The following CNIH1 variants were observed in gnomAD, a reference collection of about 807,000 sequenced individuals.
The protein encoded by CNIH1 is protein cornichon homolog 1.
CNIH1 carries 12 observed loss-of-function variants against 20.2 expected under a neutral mutation model. The observed-to-expected ratio is 0.59, with a 90% CI of 0.38 to 0.96. The LOEUF is 0.96. Ranked by LOEUF, CNIH1 falls within the 40% of genes least tolerant of loss-of-function variation. The pLI is 0.00. For synonymous variants in CNIH1, 69 were observed against 63.3 expected, an observed-to-expected ratio of 1.09 and a Z score of -0.43; for missense variants, 152 against 178.8, an observed-to-expected ratio of 0.85 and a Z score of 0.85.
At chr14:54,437,815 A>AC (rs1418711435) in intron 1 of CNIH1, among the ~76,000 whole-genome samples, 8 of 152,174 alleles carry the variant, frequency 5.3e-5, no homozygotes, top group Non-Finnish European at 1.2e-4. Context: ...CTGCTACTTG[A>AC]CGTCAGCCGT....
In CNIH1 at chr14:54,423,564, A is replaced by G. The variant is rs2030770455; in HGVS notation, c.*4250T>C. The G allele has an allele frequency of 6.6e-6, 1 of 152,242 alleles. No individual in the cohort carries two copies. The highest frequency in any genetic ancestry group is 1.5e-5 in the Non-Finnish European group (1 of 68,038). The allele number at this position is 152,242 out of a possible 1,614,324, so 9.4% of individuals were successfully genotyped here. On this transcript the variant is annotated 3_prime_UTR_variant, in exon 5 of 5. Coordinates refer to ENST00000216416, the MANE Select transcript of CNIH1 (RefSeq NM_005776.3). ...TTATGCATAAACTACACAAGGAAACATTTAAGACAGCTTTTATTAAATACA... is the reference window on the plus strand; with the variant it reads ...TTATGCATAAACTACACAAGGAAACGTTTAAGACAGCTTTTATTAAATACA...
chr14:54,427,552 T>C lies in CNIH1; in HGVS notation c.*262A>G, dbSNP rs560451364. ...ATGGCTGTTCCTTAAGAAGTGCAAG[T>C]TCAAACCTGTCAACACCAGAGGTAA... On this transcript the variant is annotated 3_prime_UTR_variant, in exon 5 of 5. Transcript: ENST00000216416. The C allele has an allele frequency of 3.4e-4, 157 of 467,752 alleles. No individual in the cohort carries two copies. The highest frequency in any genetic ancestry group is 2.9e-3 in the African/African-American group (145 of 50,696). The allele number at this position is 467,752 out of a possible 1,614,324, so 29.0% of individuals were successfully genotyped here.
At chr14:54,433,998 C>T (rs1012865962) in intron 2 of CNIH1, among the ~76,000 whole-genome samples, 1 of 151,906 alleles carries the variant, frequency 6.6e-6, no homozygotes, top group African/African-American at 2.4e-5. Flanking sequence ...ATAAGAGACA[C>T]AAAAATTATT....
chr14:54,441,275 G>A lies in CNIH1; in HGVS notation c.53C>T (p.Ala18Val). 6 of 1,521,476 alleles carry A rather than the reference G, an allele frequency of 3.9e-6. No homozygotes were observed. Among genetic ancestry groups the A allele is most frequent in the Non-Finnish European group, 5.3e-6 (6 of 1,131,984 alleles). The allele number at this position is 1,521,476 out of a possible 1,614,324, so 94.2% of individuals were successfully genotyped here. Residue 18 changes from alanine to valine, a missense_variant, in exon 1 of 5, where the codon GCC (alanine) becomes GTC (valine). By Grantham distance (64) the Ala-to-Val change is moderately conservative (BLOSUM62 0). Transcript: ENST00000216416. ...FCYMLALLLTAALIFFAIWHI... is the reference protein window; with the variant it reads ...FCYMLALLLTVALIFFAIWHI... Reference sequence around the variant, plus strand: ...CCAAATGGCGAAGAAGATGAGCGCGGCAGTGAGCAGCAGCGCCAGCATGTA... The same window carrying A: ...CCAAATGGCGAAGAAGATGAGCGCGACAGTGAGCAGCAGCGCCAGCATGTA...
chr14:54,424,386 G>A lies in CNIH1; in HGVS notation c.*3428C>T, dbSNP rs1195040492. The A allele has an allele frequency of 6.6e-6, 1 of 152,190 alleles. No homozygotes were observed. The highest frequency in any genetic ancestry group is 2.4e-5 in the African/African-American group (1 of 41,434). The allele number at this position is 152,190 out of a possible 1,614,324, so 9.4% of individuals were successfully genotyped here. ...TACAACTGAGAGATGTACATTTATGGATGTTAAATGACATAAATAAGTAAA... is the reference window on the plus strand; with the variant it reads ...TACAACTGAGAGATGTACATTTATGAATGTTAAATGACATAAATAAGTAAA... On this transcript the variant is annotated 3_prime_UTR_variant, in exon 5 of 5. Transcript: ENST00000216416.
At chr14:54,436,746 G>GA in intron 1 of CNIH1, 1 of 474,472 alleles carries the variant, frequency 2.1e-6, no homozygotes, top group Non-Finnish European at 4.1e-6. Context: ...CTTCTGAGTA[G>GA]AAAAATAATT....
At position 54,429,412 on chromosome 14, in the gene CNIH1, C is replaced by T. The variant is rs151087293; in HGVS notation, c.407+849G>A. ...CACAGCCCAGAAGCGTCAACAGTGC[C>T]GAAGCTGAGACACCCTGACCTAGAG... On this transcript the variant is annotated intron_variant, in intron 4 of 4. Coordinates refer to ENST00000216416, the MANE Select transcript of CNIH1 (RefSeq NM_005776.3). Among the ~76,000 whole-genome samples the T allele has an allele frequency of 9.2e-5, 14 of 152,208 alleles. 1 individual carries two copies. The East Asian group carries it at 2.7e-3, about 29-fold the overall frequency.
intron 1 of CNIH1, chr14:54,436,807 C>T (rs1345563696): frequency 4.6e-6 from 2 of 439,096 alleles, no homozygotes; most frequent in Non-Finnish European, 9.0e-6. Flanking sequence ...ACAAACCTTC[C>T]TAGGTCAACT....
chr14:54,425,743 T>C lies in CNIH1; in HGVS notation c.*2071A>G, dbSNP rs912253192. The C allele has an allele frequency of 6.6e-6, 1 of 152,168 alleles. No homozygotes were observed. Among genetic ancestry groups the C allele is most frequent in the Non-Finnish European group, 1.5e-5 (1 of 68,022 alleles). The allele number at this position is 152,168 out of a possible 1,614,324, so 9.4% of individuals were successfully genotyped here. On this transcript the variant is annotated 3_prime_UTR_variant, in exon 5 of 5. Coordinates refer to ENST00000216416, the MANE Select transcript of CNIH1 (RefSeq NM_005776.3). ...GATGGGTGAAACTCCCTGTCAATCATCTTTGAGGAATCAGCTGAAGACTAC... is the reference window on the plus strand; with the variant it reads ...GATGGGTGAAACTCCCTGTCAATCACCTTTGAGGAATCAGCTGAAGACTAC...
At chr14:54,439,686 A>G (rs1382165618) in intron 1 of CNIH1, among the ~76,000 whole-genome samples, 1 of 151,686 alleles carries the variant, frequency 6.6e-6, no homozygotes, top group Non-Finnish European at 1.5e-5. Flanking sequence ...AGTAGCTGGG[A>G]TTACAGGCGC....
At position 54,441,275 on chromosome 14, in the gene CNIH1, G is replaced by C. The variant is rs1329801903; in HGVS notation, c.53C>G (p.Ala18Gly). Residue 18 changes from alanine (A) to glycine (G), a missense_variant, in exon 1 of 5, where the codon GCC becomes GGC. Coordinates refer to ENST00000216416, the MANE Select transcript of CNIH1 (RefSeq NM_005776.3). Reference protein sequence around the residue: ...FCYMLALLLTAALIFFAIWHI... With the variant: ...FCYMLALLLTGALIFFAIWHI... ...CCAAATGGCGAAGAAGATGAGCGCGGCAGTGAGCAGCAGCGCCAGCATGTA... is the reference window on the plus strand; with the variant it reads ...CCAAATGGCGAAGAAGATGAGCGCGCCAGTGAGCAGCAGCGCCAGCATGTA... 1.3e-6 allele frequency: 2 copies of C among 1,521,476 alleles called. No homozygotes were observed. Among genetic ancestry groups the C allele is most frequent in the Non-Finnish European group, 1.8e-6 (2 of 1,131,984 alleles). The allele number at this position is 1,521,476 out of a possible 1,614,324, so 94.2% of individuals were successfully genotyped here. A position where few individuals can be genotyped will look rare whatever the true frequency, so the allele number is the denominator to read the frequency against.
chr14:54,433,227 T>G (rs78554306), intron 2 of CNIH1, among the ~76,000 whole-genome samples: 4,663 of 152,232 alleles, frequency 0.031, 151 homozygotes, highest in East Asian at 0.097. Context: ...GTTTACTTCA[T>G]ACCAAATGGA....
chr14:54,436,587 G>A (rs2031058033), intron 1 of CNIH1, 150 bp from the exon 2 acceptor site: 2 of 603,214 alleles, frequency 3.3e-6, no homozygotes, highest in Non-Finnish European at 5.9e-6. Context: ...ACTCATATAT[G>A]ACAAAAAGAA....
rs75614310 is a variant in CNIH1, at chr14:54,439,241, G to A, written c.81+2006C>T. Among the ~76,000 whole-genome samples the A allele has an allele frequency of 3.6e-3, 548 of 152,172 alleles. 25 individuals are homozygous for A. In the East Asian group the frequency reaches 0.097, roughly 27 times the overall value. On this transcript the variant is annotated intron_variant, in intron 1 of 4. Transcript: ENST00000216416. ...CCAAAAGGATACTAATTCTCTGAAT[G>A]AAGAAATCCCTAAGCATAAAAGCTC...
chr14:54,429,783 G>A (rs187120782), intron 4 of CNIH1, among the ~76,000 whole-genome samples: 1 of 152,110 alleles, frequency 6.6e-6, no homozygotes, highest in Admixed American at 6.6e-5. Flanking sequence ...ATCGGAAACT[G>A]CACCACCCTG....
intron 3 of CNIH1, 39 bp downstream of exon 3, chr14:54,432,069 T>C: frequency 8.7e-7 from 1 of 1,149,534 alleles, no homozygotes; most frequent in East Asian, 2.9e-5. Context: ...TATTTAAGTT[T>C]TAATTTAAAA....
chr14:54,435,942 T>C, intron 2 of CNIH1: 1 of 590,258 alleles, frequency 1.7e-6, no homozygotes, highest in Non-Finnish European at 3.0e-6. Flanking sequence ...GCATAAAATA[T>C]GAAATTTCAT....
chr14:54,430,353 G>A lies in CNIH1; in HGVS notation c.315C>T (p.Thr105=), dbSNP rs1419522287. 6.2e-7 allele frequency: 1 copy of A among 1,614,028 alleles called. No homozygotes were observed. Among genetic ancestry groups the A allele is most frequent in the South Asian group, 1.1e-5 (1 of 91,064 alleles). ...ATGCTAGAATATCTGCATTCATGAT[G>A]GTTGTAGGGTCATAGAGTCCTGGGC... ...MSGPGLYDPT[T]IMNADILAYC... is the part of the protein sequence containing the mutation. Residue 105 remains threonine (T), a synonymous_variant, in exon 4 of 5, where the codon ACC becomes ACT. Coordinates refer to ENST00000216416, the MANE Select transcript of CNIH1 (RefSeq NM_005776.3).
At chr14:54,436,907 CT>C (rs1278636445) in intron 1 of CNIH1, 1 of 340,326 alleles carries the variant, frequency 2.9e-6, no homozygotes, top group Non-Finnish European at 5.7e-6. Flanking sequence ...ATCGATATGG[CT>C]TTTCTCACCC....
Sources: allele counts gnomAD v4.1 joint callset (sites outside exome capture counted in the v4.1 genomes callset), GRCh38; gene constraint gnomAD v4.1.1; transcripts MANE v1.5; gene names NCBI Gene and HGNC (gene_info 2026-07-23, HGNC 2026-07-21).